The following LUZP2 variants were observed in gnomAD, a reference collection of about 807,000 sequenced individuals.
LUZP2 encodes leucine zipper protein 2.
A neutral mutation model predicts 51.6 loss-of-function variants in LUZP2; 52 were observed. The observed-to-expected ratio is 1.01, with a 90% CI of 0.81 to 1.27. The LOEUF is 1.27. Ranked by LOEUF, LUZP2 falls within the 50% of genes most tolerant of loss-of-function variation. LUZP2 has a pLI of 0.00. For missense variants in LUZP2, 436 were observed against 395.4 expected (o/e 1.10, Z -0.87); for synonymous variants, 154 against 137.3 (o/e 1.12, Z -0.85).
chr11:24,517,483 CAAAAAAAA>C (rs71041768), intron 1 of LUZP2, among the ~76,000 whole-genome samples: 892 of 44,160 alleles, frequency 0.02, 39 homozygotes, highest in African/African-American at 0.062. Context: ...CAGACGCCGT[CAAAAAAAA>C]AAAAAAAAAA....
intron 9 of LUZP2, among the ~76,000 whole-genome samples, chr11:25,018,437 A>T (rs12274531): frequency 2.6e-5 from 4 of 151,868 alleles, no homozygotes; most frequent in African/African-American, 9.7e-5. Context: ...GTCAGCATGC[A>T]TTATTTAGAA....
intron 5 of LUZP2, among the ~76,000 whole-genome samples, chr11:24,773,296 G>T (rs79553517): frequency 0.08 from 12,221 of 151,956 alleles, 1,064 homozygotes; most frequent in African/African-American, 0.22. Context: ...TAAAACAATC[G>T]CTAACCATGA....
chr11:24,755,590 G>T (rs888750645), intron 4 of LUZP2, among the ~76,000 whole-genome samples: 10 of 152,178 alleles, frequency 6.6e-5, no homozygotes, highest in Admixed American at 3.9e-4. Flanking sequence ...CGGATGGATT[G>T]AATGGACTCC....
intron 1 of LUZP2, among the ~76,000 whole-genome samples, chr11:24,692,062 G>A (rs1857085563): frequency 6.6e-6 from 1 of 151,116 alleles, no homozygotes. Context: ...TTCTGAATAG[G>A]TTATATTCAT....
intron 5 of LUZP2, among the ~76,000 whole-genome samples, chr11:24,898,097 A>C (rs1853142711): frequency 6.6e-6 from 1 of 152,186 alleles, no homozygotes; most frequent in African/African-American, 2.4e-5. Flanking sequence ...AAAAAACTGG[A>C]ATGTATTTTC....
chr11:24,536,927 T>C (rs2133836821), intron 1 of LUZP2, among the ~76,000 whole-genome samples: 1 of 151,960 alleles, frequency 6.6e-6, no homozygotes, highest in East Asian at 1.9e-4. Flanking sequence ...TTTGTTGGGT[T>C]ACTAATTAGT....
At chr11:24,889,106 C>T (rs1163152883) in intron 5 of LUZP2, among the ~76,000 whole-genome samples, 3 of 152,170 alleles carry the variant, frequency 2.0e-5, no homozygotes, top group Non-Finnish European at 4.4e-5. Flanking sequence ...CTTCCACTTA[C>T]AGAAGCCAAA....
At chr11:24,918,959 G>A (rs377155511) in intron 7 of LUZP2, among the ~76,000 whole-genome samples, 1 of 7,408 alleles carries the variant, frequency 1.3e-4, no homozygotes, top group Non-Finnish European at 2.0e-3. Context: ...TCCATAATAT[G>A]TATTATATAT....
intron 9 of LUZP2, among the ~76,000 whole-genome samples, chr11:25,016,174 C>A (rs1857149881): frequency 1.3e-5 from 2 of 152,030 alleles, no homozygotes; most frequent in South Asian, 4.1e-4. Flanking sequence ...CCCACTTCGG[C>A]CTCCAAAAGT....
intron 6 of LUZP2, among the ~76,000 whole-genome samples, chr11:24,913,160 C>T (rs145352229): frequency 6.6e-6 from 1 of 152,226 alleles, no homozygotes; most frequent in African/African-American, 2.4e-5. Flanking sequence ...TCCAAAATGT[C>T]TTCTTGCTAT....
intron 10 of LUZP2, among the ~76,000 whole-genome samples, chr11:25,061,832 C>G (rs969939102): frequency 1.3e-5 from 2 of 151,882 alleles, no homozygotes; most frequent in Non-Finnish European, 2.9e-5. Flanking sequence ...ATTATACATG[C>G]ATAAAGAGAA....
At chr11:25,068,783 T>C (rs1345080647) in intron 10 of LUZP2, among the ~76,000 whole-genome samples, 3 of 152,054 alleles carry the variant, frequency 2.0e-5, no homozygotes, top group Non-Finnish European at 4.4e-5. Context: ...TACCTCAGAG[T>C]TCTTGAACCG....
rs76326290 is a variant in LUZP2, at chr11:24,546,433, C to T, written c.62+49128C>T. Among the ~76,000 whole-genome samples the T allele has an allele frequency of 3.6e-3, 551 of 151,972 alleles. 23 individuals carry two copies. In the East Asian group the frequency reaches 0.077, roughly 21 times the overall value. On this transcript the variant is annotated intron_variant, in intron 1 of 11. Coordinates refer to ENST00000336930, the MANE Select transcript of LUZP2 (RefSeq NM_001009909.4). ...GACTGTGGGTTTGCCATAAATGGCT[C>T]CTATTATTTTGAAATGTGTTCCCTA...
intron 8 of LUZP2, among the ~76,000 whole-genome samples, chr11:24,979,842 G>T (rs1441367838): frequency 6.6e-6 from 1 of 151,524 alleles, no homozygotes; most frequent in Non-Finnish European, 1.5e-5. Context: ...ACATAGGTAG[G>T]GTAAGTGACC....
intron 7 of LUZP2, among the ~76,000 whole-genome samples, chr11:24,968,563 A>G (rs1054549090): frequency 9.9e-5 from 15 of 152,054 alleles, no homozygotes; most frequent in African/African-American, 3.4e-4. Flanking sequence ...CCTCTCAGCC[A>G]TGTAGAATTT....
At chr11:24,639,904 A>G (rs1233820148) in intron 1 of LUZP2, among the ~76,000 whole-genome samples, 1 of 151,788 alleles carries the variant, frequency 6.6e-6, no homozygotes, top group East Asian at 1.9e-4. Context: ...TTACACCTCA[A>G]TGCAATCAGG....
chr11:24,513,362 C>A (rs868662076), intron 1 of LUZP2, among the ~76,000 whole-genome samples: 5 of 152,146 alleles, frequency 3.3e-5, no homozygotes, highest in Non-Finnish European at 5.9e-5. Context: ...GGTTAGCCTT[C>A]ATCCTTTAGC....
At chr11:25,074,939 C>T (rs950470047) in intron 10 of LUZP2, among the ~76,000 whole-genome samples, 11 of 152,092 alleles carry the variant, frequency 7.2e-5, no homozygotes, top group African/African-American at 1.9e-4. Context: ...ACTTAAATGA[C>T]AGGAACTCCA....
At chr11:24,507,558 A>G (rs1378692465) in intron 1 of LUZP2, among the ~76,000 whole-genome samples, 1 of 152,102 alleles carries the variant, frequency 6.6e-6, no homozygotes, top group Admixed American at 6.6e-5. Context: ...CAGGGGGCAT[A>G]GTGTATTTAG....
Sources: allele counts gnomAD v4.1 joint callset (sites outside exome capture counted in the v4.1 genomes callset), GRCh38; gene constraint gnomAD v4.1.1; transcripts MANE v1.5; gene names NCBI Gene and HGNC (gene_info 2026-07-23, HGNC 2026-07-21).